ARHGAP33: variants seen among roughly 807,000 people sequenced by gnomAD.
ARHGAP33 encodes rho GTPase-activating protein 33.
Under a neutral mutation model 126.2 loss-of-function variants are expected in ARHGAP33, and 57 were observed. The ratio of observed to expected loss-of-function variants is 0.45; its 90% CI spans 0.36 to 0.56. The LOEUF (loss-of-function observed/expected upper bound fraction) is 0.56. ARHGAP33 is among the 20% of genes least tolerant of loss of function. The probability of loss-of-function intolerance (pLI) is 0.00; values close to 1 mark genes in which losing one functional copy is unlikely to be tolerated. For missense variants in ARHGAP33, 1,500 were observed against 1,748.3 expected, an observed-to-expected ratio of 0.86 and a Z score of 2.53; for synonymous variants, 711 against 755.0, an observed-to-expected ratio of 0.94 and a Z score of 0.95.
rs1433122423 is a variant in ARHGAP33 at position 35,785,304 on chromosome 19, G to C, written c.1837G>C (p.Gly613Arg). ...VPRKKPLPWL[G>R]GTRAPPQPSG... The stretch of plus-strand genomic sequence containing the variant: ...TCGAAAGAAGCCCCTGCCCTGGCTG[G>C]GGGGCACCCGTGCCCCACCGCAGCC... Residue 613 changes from glycine (G) to arginine (R), a missense_variant, in exon 18 of 21, where the codon GGG becomes CGG. Around this residue, in one of 6 missense-constraint regions of ARHGAP33, gnomAD observed 300 missense variants for 291.1 expected, o/e 1.03. Transcript: ENST00000007510. 1.2e-6 allele frequency: 2 copies of C among 1,606,018 alleles called. No homozygotes were observed. Among genetic ancestry groups the C allele is most frequent in the Non-Finnish European group, 1.7e-6 (2 of 1,175,362 alleles).
chr19:35,776,347 T>TCATTCATC (rs1971460564), intron 1 of ARHGAP33, among the ~76,000 whole-genome samples: 1 of 151,778 alleles, frequency 6.6e-6, no homozygotes, highest in African/African-American at 2.4e-5. Context: ...CTGCTCCCGC[T>TCATTCATC]CATTCATCCA....
chr19:35,776,402 C>G (rs994668602), intron 1 of ARHGAP33, among the ~76,000 whole-genome samples: 1 of 152,074 alleles, frequency 6.6e-6, no homozygotes, highest in Non-Finnish European at 1.5e-5. Flanking sequence ...CGCCTCTGTG[C>G]AGGCCCCACG....
In ARHGAP33 at chr19:35,779,137, A is replaced by T; in HGVS notation, c.501+13A>T. 1 of 1,548,872 alleles carries T rather than the reference A, an allele frequency of 6.5e-7. No individual in the cohort carries two copies. On this transcript the variant is annotated intron_variant, in intron 6 of 20. Transcript: ENST00000007510. ...CACCTGGATGGAGGTGGGCCTGGGC[A>T]GGGGGCTTGGAGATTCCGAGTGGGT... is the stretch of plus-strand genomic sequence containing the variant.
chr19:35,776,046 G>C (rs1599767300), intron 1 of ARHGAP33, among the ~76,000 whole-genome samples: 1 of 148,650 alleles, frequency 6.7e-6, no homozygotes, highest in African/African-American at 2.5e-5. Context: ...AGCCCTCCCC[G>C]GCGGAGCCCC....
rs560973648 is a variant in ARHGAP33 at position 35,776,606 on chromosome 19, C to T, written c.6+942C>T. ...ATCAGATTTTACCCAGTCCCTGCTG[C>T]GCGCGACTGGGCTGGCACTGGGGAC... On this transcript the variant is annotated intron_variant, in intron 1 of 20. Coordinates refer to ENST00000007510, the MANE Select transcript of ARHGAP33 (RefSeq NM_001366178.1). Among the ~76,000 whole-genome samples, 9 of 152,320 alleles carry T rather than the reference C, an allele frequency of 5.9e-5. No individual in the cohort carries two copies. In the East Asian group the frequency reaches 1.7e-3, roughly 29 times the overall value.
At chr19:35,780,710 T>G in intron 9 of ARHGAP33, 47 bp from the exon 10 acceptor site, 1 of 1,612,998 alleles carries the variant, frequency 6.2e-7, no homozygotes, top group South Asian at 1.1e-5. Context: ...GCCTCCTGCG[T>G]CTTTTGCCTC....
chr19:35,780,095 T>G, intron 6 of ARHGAP33, 116 bp from the exon 7 acceptor site: 2 of 1,404,054 alleles, frequency 1.4e-6, no homozygotes, highest in Admixed American at 3.6e-5. Flanking sequence ...TAGCTCTGAG[T>G]GACAGGGGCT....
In ARHGAP33 at chr19:35,787,260, C is replaced by T; in HGVS notation, c.2695C>T (p.Leu899Phe). ...CCCGCCCCCTAAGAACCCAGCACGC[C>T]TCATGGCCCTGGCCCTGGCTGAGCG... is the stretch of plus-strand genomic sequence containing the variant. ...PPPPPKNPAR[L>F]MALALAERAQ... Residue 899 changes from leucine to phenylalanine, a missense_variant, in exon 21 of 21, where the codon CTC (leucine) becomes TTC (phenylalanine). Around this residue, in one of 6 missense-constraint regions of ARHGAP33, gnomAD observed 642 missense variants for 634.0 expected, o/e 1.01. Coordinates refer to ENST00000007510, the MANE Select transcript of ARHGAP33 (RefSeq NM_001366178.1). The T allele has an allele frequency of 6.2e-7, 1 of 1,612,446 alleles. No homozygotes were observed. Among genetic ancestry groups the T allele is most frequent in the Non-Finnish European group, 8.5e-7 (1 of 1,179,640 alleles).
At chr19:35,783,349 A>C (rs1158273583) in intron 15 of ARHGAP33, among the ~76,000 whole-genome samples, 1 of 152,240 alleles carries the variant, frequency 6.6e-6, no homozygotes, top group Non-Finnish European at 1.5e-5. Context: ...GGTATGTCAG[A>C]GGACGGGCGT....
chr19:35,782,548 G>T lies in ARHGAP33; in HGVS notation c.1230+31G>T. The T allele has an allele frequency of 6.2e-7, 1 of 1,613,456 alleles. No individual in the cohort carries two copies. On this transcript the variant is annotated intron_variant, in intron 13 of 20. Transcript: ENST00000007510. This position sits in a 1 kb window ranked among gnomAD's most constrained non-coding sequence, Gnocchi z 4.1. Reference sequence around the variant, plus strand: ...TAAGGGAGCTGGCGGGACGGAGGGGGCCGGGACGCCTCTGGCCCAGACCTC... The same window carrying T: ...TAAGGGAGCTGGCGGGACGGAGGGGTCCGGGACGCCTCTGGCCCAGACCTC...
intron 16 of ARHGAP33, 89 bp downstream of exon 16, chr19:35,784,406 C>G: frequency 6.9e-7 from 1 of 1,445,778 alleles, no homozygotes; most frequent in South Asian, 1.5e-5. Context: ...AGTCCCGTCC[C>G]CACCCCACTG....
At chr19:35,778,835 C>A in intron 5 of ARHGAP33, 197 bp from the exon 6 acceptor site, 1 of 796,722 alleles carries the variant, frequency 1.3e-6, no homozygotes, top group Non-Finnish European at 1.9e-6. Context: ...TCACCATGGT[C>A]ATGCCAACCA....
chr19:35,777,945 CAA>C, intron 3 of ARHGAP33, 37 bp downstream of exon 3: 1 of 1,601,386 alleles, frequency 6.2e-7, no homozygotes, highest in Non-Finnish European at 8.6e-7. Flanking sequence ...GGAGGGAAGA[CAA>C]TATCCTACCC....
At position 35,782,357 on chromosome 19, in the gene ARHGAP33, G is replaced by A; in HGVS notation, c.1086-16G>A. ...TCTGACCTGGATCTTCCTCCTCCTT[G>A]ACACGGTGGTCTCAGGCACGAGTTT... On this transcript the variant is annotated splice_polypyrimidine_tract_variant and intron_variant, in intron 12 of 20. Transcript: ENST00000007510. This position sits in a 1 kb window ranked among gnomAD's most constrained non-coding sequence, Gnocchi z 4.1. The A allele has an allele frequency of 6.3e-7, 1 of 1,594,082 alleles. No homozygotes were observed. Among genetic ancestry groups the A allele is most frequent in the East Asian group, 2.3e-5 (1 of 44,316 alleles).
In ARHGAP33 at chr19:35,778,374, G is replaced by T; in HGVS notation, c.270+14G>T. ...GTGACCTGTCAGGTGAGGCCATCCC[G>T]CCTCTCATCTAGCCTGAGAGAATGG... On this transcript the variant is annotated intron_variant, in intron 4 of 20. Transcript: ENST00000007510. 6.2e-7 allele frequency: 1 copy of T among 1,614,156 alleles called. No individual in the cohort carries two copies. The highest frequency in any genetic ancestry group is 8.5e-7 in the Non-Finnish European group (1 of 1,180,004).
Position 35,787,635 on chromosome 19 carries a change from C to T in ARHGAP33, c.3070C>T (p.Pro1024Ser), listed in dbSNP as rs1263178292. ...EAAAQSPCSV[P>S]SQVPTPGFFS... ...AGCAGCCCAGTCCCCATGTTCTGTCCCCTCACAGGTTCCTACCCCCGGCTT... is the reference window on the plus strand; with the variant it reads ...AGCAGCCCAGTCCCCATGTTCTGTCTCCTCACAGGTTCCTACCCCCGGCTT... The change falls in exon 21 of 21, where the codon CCC becomes TCC. Residue 1024 changes from proline to serine, a missense_variant. Around this residue, in one of 6 missense-constraint regions of ARHGAP33, gnomAD observed 642 missense variants for 634.0 expected, o/e 1.01. Coordinates refer to ENST00000007510, the MANE Select transcript of ARHGAP33 (RefSeq NM_001366178.1). The T allele has an allele frequency of 6.3e-7, 1 of 1,594,776 alleles. No individual in the cohort carries two copies.
In ARHGAP33 at chr19:35,778,297, C is replaced by A; in HGVS notation, c.207C>A (p.Asp69Glu). The A allele has an allele frequency of 6.2e-7, 1 of 1,614,180 alleles. No individual in the cohort carries two copies. The highest frequency in any genetic ancestry group is 8.5e-7 in the Non-Finnish European group (1 of 1,180,024). ...CTCTGCAGCTCCTGCTGTCTCCAGA[C>A]CGTGAAGGGCCCAGCCTCTCTGGAG... The part of the protein sequence containing the change: ...FGHIQLLLSP[D>E]REGPSLSGEN... Residue 69 changes from aspartate to glutamate, a missense_variant, in exon 4 of 21, where the codon GAC becomes GAA. This residue lies in a region of ARHGAP33 where 129 missense variants were observed against 145.9 expected (regional missense o/e 0.88). Coordinates refer to ENST00000007510, the MANE Select transcript of ARHGAP33 (RefSeq NM_001366178.1).
At chr19:35,778,231 G>A (rs1754888052) in intron 3 of ARHGAP33, 49 bp from the exon 4 acceptor site, 2 of 1,598,366 alleles carry the variant, frequency 1.3e-6, no homozygotes, top group South Asian at 2.2e-5. Context: ...ATCCCCAGGA[G>A]GTCAGGACTG....
At position 35,788,002 on chromosome 19, in the gene ARHGAP33, C is replaced by T; in HGVS notation, c.3437C>T (p.Pro1146Leu). The T allele has an allele frequency of 6.4e-7, 1 of 1,552,744 alleles. No individual in the cohort carries two copies. The highest frequency in any genetic ancestry group is 8.8e-7 in the Non-Finnish European group (1 of 1,141,866). Residue 1146 changes from proline (P) to leucine (L), a missense_variant, in exon 21 of 21, where the codon CCC becomes CTC. Physicochemically the swap from Pro to Leu is moderately conservative, Grantham distance 98. Coordinates refer to ENST00000007510, the MANE Select transcript of ARHGAP33 (RefSeq NM_001366178.1). Reference sequence around the variant, plus strand: ...TACCCGCCAGCCCCCTCCTGCTTTCCCCCTGACCACCTTGGCTACTCAGCC... The same window carrying T: ...TACCCGCCAGCCCCCTCCTGCTTTCTCCCTGACCACCTTGGCTACTCAGCC... Reference protein sequence around the residue: ...LSYPPAPSCFPPDHLGYSAPQ... With the variant: ...LSYPPAPSCFLPDHLGYSAPQ...
Sources: gnomAD v4.1 joint callset for allele counts (sites outside exome capture counted in the v4.1 genomes callset) on GRCh38, gnomAD v4.1.1 for gene constraint, gnomAD v4.1.1 regional missense constraint, Gnocchi (gnomAD v3.1) non-coding constraint, MANE v1.5 for transcripts, NCBI Gene and HGNC (gene_info 2026-07-23, HGNC 2026-07-21) for gene names.